The following PBX1 variants were observed in gnomAD, a reference collection of about 807,000 sequenced individuals.
PBX1 encodes the protein pre-B-cell leukemia transcription factor 1.
Under a neutral mutation model 53.4 loss-of-function variants are expected in PBX1, and 6 were observed. The observed-to-expected ratio is 0.11, with a 90% confidence interval of 0.06 to 0.22. PBX1 has a LOEUF of 0.22. Ranked by LOEUF, PBX1 falls within the 10% of genes least tolerant of loss-of-function variation. PBX1 has a pLI of 1.00. For missense variants in PBX1, 251 were observed against 551.4 expected (o/e 0.46, Z 5.46); for synonymous variants, 204 against 212.3 (o/e 0.96, Z 0.34).
chr1:164,835,838 G>A (rs528934059), intron 8 of PBX1, among the ~76,000 whole-genome samples: 1 of 152,276 alleles, frequency 6.6e-6, no homozygotes, highest in East Asian at 1.9e-4. Context: ...AGATCTGTAA[G>A]TGATACCAGT....
At chr1:164,884,247 T>A (rs1437971965) in intron 2 of PBX1, among the ~76,000 whole-genome samples, 2 of 152,226 alleles carry the variant, frequency 1.3e-5, no homozygotes, top group Non-Finnish European at 2.9e-5. Context: ...GGTGACTCCA[T>A]TGAACTATTC....
rs148703758 is a variant in PBX1 at position 164,734,592 on chromosome 1, C to T, written c.266-57902C>T. ...TGTATGGAGTGCCTGCTGTATGTCACACATAGTATAGGCCCTGAGGATAAT... is the reference window on the plus strand; with the variant it reads ...TGTATGGAGTGCCTGCTGTATGTCATACATAGTATAGGCCCTGAGGATAAT... On this transcript the variant is annotated intron_variant, in intron 2 of 8. Coordinates refer to ENST00000420696, the MANE Select transcript of PBX1 (RefSeq NM_002585.4). 1.1e-4 allele frequency among the ~76,000 whole-genome samples: 17 copies of T among 152,232 alleles called. No homozygotes were observed. The East Asian group carries it at 3.3e-3, about 29-fold the overall frequency.
At chr1:164,650,729 GCA>G (rs1659753544) in intron 2 of PBX1, among the ~76,000 whole-genome samples, 4 of 152,036 alleles carry the variant, frequency 2.6e-5, no homozygotes, top group Admixed American at 2.6e-4. Context: ...TAAGGACTTT[GCA>G]CAGTGTGGAT....
intron 2 of PBX1, among the ~76,000 whole-genome samples, chr1:164,699,201 C>A (rs947895500): frequency 6.6e-6 from 1 of 152,220 alleles, no homozygotes; most frequent in Non-Finnish European, 1.5e-5. Flanking sequence ...CCCTCTCTAT[C>A]TATCTACCTA....
At chr1:164,595,918 A>G (rs555344706) in intron 2 of PBX1, among the ~76,000 whole-genome samples, 1 of 152,320 alleles carries the variant, frequency 6.6e-6, no homozygotes, top group African/African-American at 2.4e-5. Flanking sequence ...TGTAATTTTT[A>G]GGGCTTTGGT....
intron 4 of PBX1, among the ~76,000 whole-genome samples, chr1:164,801,071 C>T (rs1389631113): frequency 6.6e-6 from 1 of 152,114 alleles, no homozygotes. Flanking sequence ...CCCTTTTAGT[C>T]AATGTGTTTT....
intron 8 of PBX1, among the ~76,000 whole-genome samples, chr1:164,838,728 G>C (rs1456350656): frequency 6.6e-6 from 1 of 152,132 alleles, no homozygotes; most frequent in African/African-American, 2.4e-5. Flanking sequence ...GTGTACCACT[G>C]TGTATTTGTG....
intron 2 of PBX1, among the ~76,000 whole-genome samples, chr1:164,724,201 C>G (rs1051693511): frequency 1.3e-5 from 2 of 152,122 alleles, no homozygotes; most frequent in African/African-American, 2.4e-5. Context: ...CCATCAGAAC[C>G]GTTGCTTCTG....
chr1:164,822,563 G>A (rs1276417753), intron 8 of PBX1, among the ~76,000 whole-genome samples: 1 of 152,202 alleles, frequency 6.6e-6, no homozygotes, highest in Non-Finnish European at 1.5e-5. Context: ...AATGTCTGCA[G>A]TGAAGGAGGT....
intron 2 of PBX1, among the ~76,000 whole-genome samples, chr1:164,677,194 G>A (rs914260094): frequency 4.7e-5 from 7 of 150,038 alleles, no homozygotes; most frequent in East Asian, 2.0e-4. Context: ...CCGGGTTCAC[G>A]CCATTCTCCT....
intron 2 of PBX1, among the ~76,000 whole-genome samples, chr1:164,763,496 G>A (rs1343147666): frequency 6.6e-6 from 1 of 152,212 alleles, no homozygotes; most frequent in African/African-American, 2.4e-5. Flanking sequence ...TCTTGGACAT[G>A]TAGCTGGGTA....
chr1:164,860,725 C>A (rs1423031496), intron 2 of PBX1, among the ~76,000 whole-genome samples: 1 of 152,158 alleles, frequency 6.6e-6, no homozygotes, highest in African/African-American at 2.4e-5. Context: ...TCTAGTGTGT[C>A]TTTGGTCCTG....
intron 2 of PBX1, among the ~76,000 whole-genome samples, chr1:164,674,315 C>T (rs1007197673): frequency 6.6e-6 from 1 of 152,200 alleles, no homozygotes; most frequent in African/African-American, 2.4e-5. Flanking sequence ...AACCAAAGAG[C>T]CATAGTGTCT....
intron 2 of PBX1, chr1:164,684,023 GCT>G (rs2102004383): frequency 6.6e-6 from 1 of 152,226 alleles, no homozygotes; most frequent in East Asian, 1.9e-4. Flanking sequence ...TCAGTATGTT[GCT>G]CAGGCTGGTC....
chr1:164,786,523 T>C (rs542712381), intron 2 of PBX1, among the ~76,000 whole-genome samples: 1 of 152,290 alleles, frequency 6.6e-6, no homozygotes, highest in East Asian at 1.9e-4. Flanking sequence ...ATACAGTGGC[T>C]CTAACCATGA....
intron 2 of PBX1, among the ~76,000 whole-genome samples, chr1:164,757,372 T>C (rs940685864): frequency 1.3e-5 from 2 of 152,202 alleles, no homozygotes; most frequent in Admixed American, 6.5e-5. Context: ...TGGAAACTAA[T>C]AATATTTGGT....
chr1:164,574,225 T>C (rs1041055835), intron 2 of PBX1, among the ~76,000 whole-genome samples: 1 of 152,206 alleles, frequency 6.6e-6, no homozygotes, highest in African/African-American at 2.4e-5. Context: ...ATAGACTGAG[T>C]GGGCCGAAGC....
At chr1:164,680,118 A>C (rs899644965) in intron 2 of PBX1, 8 of 152,164 alleles carry the variant, frequency 5.3e-5, no homozygotes, top group Non-Finnish European at 1.2e-4. Context: ...TCGTATAGCT[A>C]TATGTTGGTA....
chr1:164,808,504 C>A (rs1669458395), intron 5 of PBX1, among the ~76,000 whole-genome samples: 1 of 152,100 alleles, frequency 6.6e-6, no homozygotes, highest in Admixed American at 6.5e-5. Flanking sequence ...TTGTCACATG[C>A]AGGAGAATTA....
Sources: allele counts gnomAD v4.1 joint callset (sites outside exome capture counted in the v4.1 genomes callset), GRCh38; gene constraint gnomAD v4.1.1; transcripts MANE v1.5; gene names NCBI Gene and HGNC (gene_info 2026-07-23, HGNC 2026-07-21).